PNKD: variants seen among roughly 807,000 people sequenced by gnomAD.
The protein encoded by PNKD is probable thioesterase PNKD.
Under a neutral mutation model 45.3 loss-of-function variants are expected in PNKD, and 36 were observed. The ratio of observed to expected loss-of-function variants is 0.80; its 90% CI spans 0.61 to 1.05. PNKD has a LOEUF of 1.05. Among genes scored for constraint, PNKD ranks in the 50% least tolerant of loss-of-function variants. The probability of loss-of-function intolerance (pLI) is 0.00; values close to 1 mark genes in which losing one functional copy is unlikely to be tolerated. For missense variants in PNKD, 511 were observed against 506.6 expected (o/e 1.01, Z -0.08); for synonymous variants, 197 against 210.1 (o/e 0.94, Z 0.54).
chr2:218,319,371 CTTTTTTTTTT>C (rs35553031), intron 2 of PNKD, among the ~76,000 whole-genome samples: 1 of 80,216 alleles, frequency 1.2e-5, no homozygotes, highest in Non-Finnish European at 2.3e-5. Context: ...TCTTGTTTGT[CTTTTTTTTTT>C]TTTTTTTTTT....
intron 2 of PNKD, among the ~76,000 whole-genome samples, chr2:218,304,480 T>A (rs145953810): frequency 3.9e-5 from 6 of 152,156 alleles, no homozygotes; most frequent in African/African-American, 1.2e-4. Context: ...TTCCTGACCC[T>A]TCAGGCCCAG....
chr2:218,287,625 G>A (rs1044249929), intron 2 of PNKD, among the ~76,000 whole-genome samples: 3 of 152,088 alleles, frequency 2.0e-5, no homozygotes, highest in African/African-American at 4.8e-5. Context: ...CAGGGGGATC[G>A]CTCGAACCCG....
chr2:218,279,964 C>G, intron 2 of PNKD: 2 of 1,258,160 alleles, frequency 1.6e-6, no homozygotes, highest in Non-Finnish European at 2.3e-6. Context: ...GTGGCCTACC[C>G]ACTTCCCATT....
At chr2:218,325,198 CTTTTTT>C (rs746439948) in intron 2 of PNKD, among the ~76,000 whole-genome samples, 1 of 39,758 alleles carries the variant, frequency 2.5e-5, no homozygotes, top group Non-Finnish European at 4.0e-5. Flanking sequence ...CGCACCCGGC[CTTTTTT>C]TTTTTTTTTT....
chr2:218,343,626 C>A lies in PNKD; in HGVS notation c.868+40C>A, dbSNP rs374693670. 2.0e-6 allele frequency: 3 copies of A among 1,476,098 alleles called. No individual in the cohort carries two copies. The East Asian group carries it at 7.2e-5, about 36-fold the overall frequency. The allele number at this position is 1,476,098 out of a possible 1,614,324, so 91.4% of individuals were successfully genotyped here. On this transcript the variant is annotated intron_variant, in intron 8 of 9. Transcript: ENST00000273077. Reference sequence around the variant, plus strand: ...TACTACTCCCCATCCTCCAGCCCCACGCTCAGCCTGGGACAAGGGCCTTCC... The same window carrying A: ...TACTACTCCCCATCCTCCAGCCCCAAGCTCAGCCTGGGACAAGGGCCTTCC...
chr2:218,334,205 G>A (rs1396009100), intron 2 of PNKD, among the ~76,000 whole-genome samples: 4 of 151,970 alleles, frequency 2.6e-5, no homozygotes, highest in African/African-American at 9.7e-5. Context: ...TCTCGCCCCT[G>A]AATACTATCG....
chr2:218,345,080 C>T lies in PNKD; in HGVS notation c.*99C>T, dbSNP rs1171697260. 3.2e-5 allele frequency: 29 copies of T among 908,176 alleles called. No homozygotes were observed. The South Asian group carries it at 3.2e-4, about 10-fold the overall frequency. 56.3% of individuals were successfully genotyped at this position (908,176 alleles called of 1,614,324 possible). A position where few individuals can be genotyped will look rare whatever the true frequency, so the allele number is the denominator to read the frequency against. On this transcript the variant is annotated 3_prime_UTR_variant, in exon 10 of 10. Coordinates refer to ENST00000273077, the MANE Select transcript of PNKD (RefSeq NM_015488.5). ...TCATCGCTAACACCACCACCTCCAT[C>T]GGCACCCAAGCGGGCATCATCCCCC... is the stretch of plus-strand genomic sequence containing the variant.
intron 2 of PNKD, chr2:218,292,553 C>G (rs1444374746): frequency 6.6e-6 from 1 of 151,918 alleles, no homozygotes; most frequent in Non-Finnish European, 1.5e-5. Context: ...TGGGGCTCCG[C>G]GCCCCGCCCC....
At position 218,339,847 on chromosome 2, in the gene PNKD, C is replaced by A; in HGVS notation, c.301C>A (p.Arg101=). Residue 101 remains arginine (R), a synonymous_variant, in exon 3 of 10, where the codon CGG becomes AGG. Transcript: ENST00000273077. ...LFYRQQLRRA[R]NRYPKGHSKT... ...CTACCGACAGCAGCTGCGCAGGGCT[C>A]GGAATCGCTACCCTAAAGGCCACTC... 6.2e-7 allele frequency: 1 copy of A among 1,613,176 alleles called. No homozygotes were observed. Among genetic ancestry groups the A allele is most frequent in the East Asian group, 2.2e-5 (1 of 44,812 alleles).
intron 2 of PNKD, chr2:218,275,995 C>G (rs982845677): frequency 3.7e-6 from 6 of 1,602,414 alleles, no homozygotes; most frequent in Admixed American, 3.4e-5. Flanking sequence ...ATCCCCTCAG[C>G]TCCCCTTCCT....
rs1693862797 is a variant in PNKD, at chr2:218,318,023, CAT to C, written c.237-21759_237-21758del. The C allele has an allele frequency of 2.1e-4, 32 of 152,622 alleles. No individual in the cohort carries two copies. In the South Asian group the frequency reaches 5.4e-3, roughly 26 times the overall value. The allele number at this position is 152,622 out of a possible 1,614,324, so 9.5% of individuals were successfully genotyped here. On this transcript the variant is annotated intron_variant, in intron 2 of 9. Transcript: ENST00000273077. Reference sequence around the variant, plus strand: ...CCATCGTCACTGTCATCATCATCATCATCACCACCAGTGATTTCCTGAATGCC... The same window carrying C: ...CCATCGTCACTGTCATCATCATCATCCACCACCAGTGATTTCCTGAATGCC...
chr2:218,282,693 G>A (rs1280173642), intron 2 of PNKD, among the ~76,000 whole-genome samples: 1 of 152,208 alleles, frequency 6.6e-6, no homozygotes, highest in Non-Finnish European at 1.5e-5. Context: ...TGGAGAGCCG[G>A]GGGAAGAAGT....
chr2:218,284,237 C>T (rs191503654), intron 2 of PNKD: 5 of 152,068 alleles, frequency 3.3e-5, no homozygotes, highest in Non-Finnish European at 7.3e-5. Flanking sequence ...GTCACCATGA[C>T]GTGTCCCAGC....
At chr2:218,323,507 G>A (rs1255607415) in intron 2 of PNKD, 4 of 1,334,818 alleles carry the variant, frequency 3.0e-6, no homozygotes, top group Non-Finnish European at 4.0e-6. Flanking sequence ...GGCGGGGGCT[G>A]GAGCTGGGGG....
chr2:218,305,320 G>A (rs1693377798), intron 2 of PNKD, among the ~76,000 whole-genome samples: 1 of 151,970 alleles, frequency 6.6e-6, no homozygotes, highest in Admixed American at 6.6e-5. Flanking sequence ...TGCCTACAGG[G>A]AGAGCTCAGT....
At position 218,326,016 on chromosome 2, in the gene PNKD, G is replaced by A. The variant is rs992956894; in HGVS notation, c.237-13767G>A. Reference sequence around the variant, plus strand: ...GATATTTGCAGGAAACTGTAGGGGGGAAATGGGCAGGTGTTGGTGCTAGGG... The same window carrying A: ...GATATTTGCAGGAAACTGTAGGGGGAAAATGGGCAGGTGTTGGTGCTAGGG... On this transcript the variant is annotated intron_variant, in intron 2 of 9. Coordinates refer to ENST00000273077, the MANE Select transcript of PNKD (RefSeq NM_015488.5). This position sits in a 1 kb window ranked among gnomAD's most constrained non-coding sequence, Gnocchi z 4.1. 1.3e-5 allele frequency among the ~76,000 whole-genome samples: 2 copies of A among 151,600 alleles called. No homozygotes were observed. Among genetic ancestry groups the A allele is most frequent in the East Asian group, 3.9e-4 (2 of 5,162 alleles).
At chr2:218,279,426 G>C in intron 2 of PNKD, 1 of 1,393,462 alleles carries the variant, frequency 7.2e-7, no homozygotes, top group Non-Finnish European at 9.7e-7. Context: ...CCAGCCCCCA[G>C]TACTTTCCTC....
rs1693888241 is a variant in PNKD, at chr2:218,318,707, C to T, written c.237-21076C>T. ...CACTGGGAATACAGTGGTGCCAACA[C>T]AGGTCCCTCCCTGACTTCATGGGGC... is the stretch of plus-strand genomic sequence containing the variant. On this transcript the variant is annotated intron_variant, in intron 2 of 9. Coordinates refer to ENST00000273077, the MANE Select transcript of PNKD (RefSeq NM_015488.5). 3.3e-5 allele frequency among the ~76,000 whole-genome samples: 5 copies of T among 152,316 alleles called. No homozygotes were observed. The South Asian group carries it at 1.0e-3, about 32-fold the overall frequency.
chr2:218,341,466 GT>G, intron 5 of PNKD, 67 bp from the exon 6 acceptor site: 1 of 1,028,050 alleles, frequency 9.7e-7, no homozygotes, highest in Non-Finnish European at 1.5e-6. Flanking sequence ...TGGAGATGCT[GT>G]GGTAAAGAAG....
Sources: allele counts gnomAD v4.1 joint callset (sites outside exome capture counted in the v4.1 genomes callset), GRCh38; gene constraint gnomAD v4.1.1; non-coding constraint Gnocchi (gnomAD v3.1); transcripts MANE v1.5; gene names NCBI Gene and HGNC (gene_info 2026-07-23, HGNC 2026-07-21).